Variants in MSH6 observed in about 807,000 individuals in gnomAD.
The protein encoded by MSH6 is mutS homolog 6.
In MSH6, 85 loss-of-function variants were observed where a neutral mutation model predicts 119.1. The observed-to-expected ratio is 0.71, with a 90% CI of 0.60 to 0.85. The LOEUF (loss-of-function observed/expected upper bound fraction) is 0.85, where lower values mean the gene tolerates loss of function less well. Ranked by LOEUF, MSH6 falls within the 40% of genes least tolerant of loss-of-function variation. MSH6 has a pLI of 0.00. For missense variants in MSH6, 2,163 were observed against 1,655.3 expected (o/e 1.31, Z -5.32); for synonymous variants, 830 against 586.9 (o/e 1.41, Z -5.99).
At chr2:47,809,582 T>C (rs536023138), downstream of MSH6, 3 of 1,544,698 alleles carry the variant, frequency 1.9e-6, no homozygotes, top group East Asian at 2.3e-5. Context: ...TTTATAGGTA[T>C]AGCAGACTCC....
Position 47,798,653 on chromosome 2 carries a change from G to C in MSH6, c.670G>C (p.Glu224Gln), listed in dbSNP as rs1060502933. 3 of 1,613,132 alleles carry C rather than the reference G, an allele frequency of 1.9e-6. No homozygotes were observed. Among genetic ancestry groups the C allele is most frequent in the Non-Finnish European group, 2.5e-6 (3 of 1,180,000 alleles). ...AACAGATAAGAGTGAAGAAGATAAT[G>C]AAATTGAGAGTGAAGAGGAAGTACA... ...YVTDKSEEDNEIESEEEVQPK... is the reference protein window; with the variant it reads ...YVTDKSEEDNQIESEEEVQPK... Residue 224 changes from glutamate to glutamine, a missense_variant, in exon 4 of 10, where the codon GAA (glutamate) becomes CAA (glutamine). Glu to Gln is a conservative substitution (Grantham distance 29). Coordinates refer to ENST00000234420, the MANE Select transcript of MSH6 (RefSeq NM_000179.3).
Position 47,790,940 on chromosome 2 carries a change from C to A in MSH6, c.274C>A (p.Pro92Thr). The A allele has an allele frequency of 6.2e-7, 1 of 1,614,182 alleles. No individual in the cohort carries two copies. The highest frequency in any genetic ancestry group is 8.5e-7 in the Non-Finnish European group (1 of 1,180,034). The change falls in exon 2 of 10, where the codon CCA (proline) becomes ACA (threonine). Residue 92 changes from proline to threonine, a missense_variant. By Grantham distance (38) the Pro-to-Thr change is conservative. Transcript: ENST00000234420. ...PAAPTSCDFS[P>T]GDLVWAKMEG... ...TTTTGGCAACAGTTGTGACTTCTCA[C>A]CAGGAGATTTGGTTTGGGCCAAGAT...
intron 3 of MSH6, 75 bp downstream of exon 3, chr2:47,796,138 A>G (rs1198999189): frequency 6.8e-7 from 1 of 1,472,080 alleles, no homozygotes; most frequent in Non-Finnish European, 9.5e-7. Context: ...TGTATTAACA[A>G]GATACCTTGT....
At chr2:47,784,160 A>T in intron 1 of MSH6, 1 of 999,106 alleles carries the variant, frequency 1.0e-6, no homozygotes, top group Non-Finnish European at 1.2e-6. Flanking sequence ...GGGGTGTGTC[A>T]CCATGGGGAC....
At chr2:47,804,365 A>G (rs1443360429) in intron 5 of MSH6, among the ~76,000 whole-genome samples, 1 of 152,138 alleles carries the variant, frequency 6.6e-6, no homozygotes, top group Non-Finnish European at 1.5e-5. Flanking sequence ...AGTTTTTTAT[A>G]TTTTTAAAAG....
intron 1 of MSH6, among the ~76,000 whole-genome samples, chr2:47,786,719 C>CTT (rs149544395): frequency 7.3e-5 from 11 of 150,080 alleles, no homozygotes; most frequent in South Asian, 2.1e-4. Flanking sequence ...TTTGCTGTTT[C>CTT]TTTTTTTTTT....
rs749508276 is a variant in MSH6 at position 47,800,587 on chromosome 2, G to A, written c.2604G>A (p.Met868Ile). The change falls in exon 4 of 10, where the codon ATG becomes ATA. Residue 868 changes from methionine (M) to isoleucine (I), a missense_variant. Met to Ile is a conservative substitution (Grantham distance 10). Coordinates refer to ENST00000234420, the MANE Select transcript of MSH6 (RefSeq NM_000179.3). Reference sequence around the variant, plus strand: ...CTGCTCTGGAAGGATTCAAAGTAATGTGTAAAATTATAGGGATCATGGAAG... The same window carrying A: ...CTGCTCTGGAAGGATTCAAAGTAATATGTAAAATTATAGGGATCATGGAAG... ...FLSALEGFKV[M>I]CKIIGIMEEV... 8 of 1,614,008 alleles carry A rather than the reference G, an allele frequency of 5.0e-6. No individual in the cohort carries two copies. In the Admixed American group the frequency reaches 1.2e-4, roughly 24 times the overall value.
chr2:47,803,550 G>T lies in MSH6; in HGVS notation c.3303G>T (p.Lys1101Asn), dbSNP rs370353868. 3 of 1,613,964 alleles carry T rather than the reference G, an allele frequency of 1.9e-6. No homozygotes were observed. In the African/African-American group the frequency reaches 4.0e-5, roughly 22 times the overall value. ...GATCACGCCATCCTTGCATTACGAA[G>T]ACTTTTTTTGGAGATGATTTTATTC... ...LKGSRHPCIT[K>N]TFFGDDFIPN... is the part of the protein sequence containing the mutation. The change falls in exon 5 of 10, where the codon AAG (lysine) becomes AAT (asparagine). Residue 1101 changes from lysine to asparagine, a missense_variant. Coordinates refer to ENST00000234420, the MANE Select transcript of MSH6 (RefSeq NM_000179.3).
chr2:47,784,321 T>C (rs1046051076), intron 1 of MSH6: 14 of 870,208 alleles, frequency 1.6e-5, no homozygotes, highest in Non-Finnish European at 1.8e-5. Context: ...AAATATTTTA[T>C]TTTATGAAAT....
chr2:47,798,849 G>T lies in MSH6; in HGVS notation c.866G>T (p.Gly289Val), dbSNP rs368318845. The T allele has an allele frequency of 1.2e-6, 2 of 1,614,170 alleles. No homozygotes were observed. The highest frequency in any genetic ancestry group is 3.3e-5 in the Admixed American group (2 of 60,006). Reference protein sequence around the residue: ...SSGVGDSESEGLNSPVKVARK... With the variant: ...SSGVGDSESEVLNSPVKVARK... ...GGAGTGGGGGATAGTGAGAGTGAAG[G>T]CCTGAACAGCCCTGTCAAAGTTGCT... Residue 289 changes from glycine (G) to valine (V), a missense_variant, in exon 4 of 10, where the codon GGC (glycine) becomes GTC (valine). Transcript: ENST00000234420.
intron 1 of MSH6, among the ~76,000 whole-genome samples, chr2:47,788,101 CAG>C (rs1428013165): frequency 6.6e-6 from 1 of 152,110 alleles, no homozygotes; most frequent in African/African-American, 2.4e-5. Context: ...TTTTTTGACT[CAG>C]AAACCAGTTT....
rs1394797552 is a variant in MSH6, at chr2:47,806,918, C to T, written c.*58C>T. ...TGACAAAGGTGGTAAATTCAGACAA[C>T]ATTATGATCTAATAAACTTTATTTT... On this transcript the variant is annotated 3_prime_UTR_variant, in exon 10 of 10. Coordinates refer to ENST00000234420, the MANE Select transcript of MSH6 (RefSeq NM_000179.3). 1 of 1,224,632 alleles carries T rather than the reference C, an allele frequency of 8.2e-7. No individual in the cohort carries two copies. Among genetic ancestry groups the T allele is most frequent in the Non-Finnish European group, 1.2e-6 (1 of 830,882 alleles). The allele number at this position is 1,224,632 out of a possible 1,614,324, so 75.9% of individuals were successfully genotyped here.
downstream of MSH6, chr2:47,807,885 GTCCCT>G (rs1670332798): frequency 2.5e-6 from 1 of 406,062 alleles, no homozygotes; most frequent in South Asian, 4.1e-5. Flanking sequence ...CTTCACTTCT[GTCCCT>G]TCAAGTCTTT....
chr2:47,789,360 G>T, intron 1 of MSH6: 2 of 411,958 alleles, frequency 4.9e-6, no homozygotes, highest in South Asian at 3.7e-5. Flanking sequence ...ATTTCAGAAA[G>T]GAATTTATTT....
rs878853728 is a variant in MSH6, at chr2:47,801,055, G to A, written c.3072G>A (p.Arg1024=). The part of the protein sequence containing the change: ...KLANLINAEE[R]RDVSLKDCMR... ...CTAATCTCATAAATGCTGAAGAACG[G>A]AGGGATGTATCATTGAAGGACTGCA... The change falls in exon 4 of 10, where the codon CGG becomes CGA. Residue 1024 remains arginine (R), a synonymous_variant. Transcript: ENST00000234420. 6.2e-7 allele frequency: 1 copy of A among 1,603,746 alleles called. No homozygotes were observed. The highest frequency in any genetic ancestry group is 2.2e-5 in the East Asian group (1 of 44,782).
At position 47,800,833 on chromosome 2, in the gene MSH6, C is replaced by T. The variant is rs571394629; in HGVS notation, c.2850C>T (p.Ser950=). Residue 950 remains serine (S), a synonymous_variant, in exon 4 of 10, where the codon AGC becomes AGT. Transcript: ENST00000234420. The part of the protein sequence containing the change: ...ALADIRENEQ[S]LLEYLEKQRN... ...CTGACATAAGAGAAAATGAACAGAG[C>T]CTCCTGGAATACCTAGAGAAACAGC... The T allele has an allele frequency of 1.2e-5, 20 of 1,614,024 alleles. No homozygotes were observed. In the South Asian group the frequency reaches 2.1e-4, roughly 17 times the overall value.
chr2:47,801,861 C>G (rs1311087944), intron 4 of MSH6, among the ~76,000 whole-genome samples: 1 of 152,080 alleles, frequency 6.6e-6, no homozygotes, highest in Non-Finnish European at 1.5e-5. Flanking sequence ...GTTGCCCAGG[C>G]TGGTCTTGAA....
downstream of MSH6, chr2:47,808,516 CTTTAAGAGGACCAAA>C: frequency 8.2e-7 from 1 of 1,216,444 alleles, no homozygotes; most frequent in East Asian, 2.5e-5. Context: ...TGACCTTTGG[CTTTAAGAGGACCAAA>C]ACAAAATTCT....
At chr2:47,792,757 C>T (rs1384914362) in intron 2 of MSH6, among the ~76,000 whole-genome samples, 1 of 152,012 alleles carries the variant, frequency 6.6e-6, no homozygotes, top group East Asian at 1.9e-4. Flanking sequence ...GCCTTGAACT[C>T]CTGGGCTCAA....
Sources: allele counts gnomAD v4.1 joint callset (sites outside exome capture counted in the v4.1 genomes callset), GRCh38; gene constraint gnomAD v4.1.1; transcripts MANE v1.5; gene names NCBI Gene and HGNC (gene_info 2026-07-23, HGNC 2026-07-21).